The following SAMD13 variants were observed in gnomAD, a reference collection of about 807,000 sequenced individuals.
SAMD13 encodes sterile alpha motif domain containing 13.
A neutral mutation model predicts 12.4 loss-of-function variants in SAMD13; 9 were observed. The observed-to-expected ratio is 0.72, with a 90% CI of 0.44 to 1.26. SAMD13 has a LOEUF of 1.26. Ranked by LOEUF, SAMD13 falls within the 50% of genes most tolerant of loss-of-function variation. SAMD13 has a pLI of 0.00. For missense variants in SAMD13, 84 were observed against 119.6 expected (o/e 0.70, Z 1.39); for synonymous variants, 46 against 45.4 (o/e 1.01, Z -0.05).
upstream of SAMD13, chr1:84,298,599 G>A (rs1678366302): frequency 2.3e-6 from 3 of 1,282,248 alleles, no homozygotes; most frequent in African/African-American, 1.5e-5. Context: ...CCAGGGCGTG[G>A]GAAGGCGCCC....
intron 3 of SAMD13, among the ~76,000 whole-genome samples, chr1:84,337,767 AG>A (rs776836431): frequency 1.6e-4 from 24 of 152,224 alleles, no homozygotes; most frequent in Non-Finnish European, 2.2e-4. Context: ...TCACATTGTC[AG>A]GGTGCAAATT....
chr1:84,349,066 A>C (rs984005308), intron 3 of SAMD13, among the ~76,000 whole-genome samples: 4 of 152,238 alleles, frequency 2.6e-5, no homozygotes, highest in Non-Finnish European at 5.9e-5. Context: ...TTTAAGTATC[A>C]GGAGAAGCAG....
At chr1:84,316,015 T>C (rs2101797346) in intron 2 of SAMD13, among the ~76,000 whole-genome samples, 1 of 152,314 alleles carries the variant, frequency 6.6e-6, no homozygotes, top group South Asian at 2.1e-4. Context: ...TTTGTGTGTC[T>C]TCTTTTCAGA....
At chr1:84,310,112 G>A (rs536624197) in intron 2 of SAMD13, among the ~76,000 whole-genome samples, 2 of 152,084 alleles carry the variant, frequency 1.3e-5, no homozygotes, top group South Asian at 4.2e-4. Context: ...TTTTCTAGTG[G>A]TCATATTTAA....
chr1:84,345,813 T>A (rs980719885), intron 3 of SAMD13, among the ~76,000 whole-genome samples: 14 of 152,182 alleles, frequency 9.2e-5, no homozygotes, highest in African/African-American at 3.4e-4. Context: ...GCAGAGAGAA[T>A]GAGTGAAAAG....
intron 3 of SAMD13, among the ~76,000 whole-genome samples, chr1:84,328,146 C>T (rs958802810): frequency 4.6e-5 from 7 of 152,148 alleles, no homozygotes; most frequent in African/African-American, 7.2e-5. Context: ...TGGGGGCACA[C>T]GATGGTCTCT....
intron 2 of SAMD13, among the ~76,000 whole-genome samples, chr1:84,323,546 G>A (rs1389230747): frequency 2.0e-5 from 3 of 152,118 alleles, no homozygotes; most frequent in Non-Finnish European, 4.4e-5. Flanking sequence ...GTGCTGTTGA[G>A]AAATTAACGA....
chr1:84,346,694 T>C (rs1275419191), intron 3 of SAMD13, among the ~76,000 whole-genome samples: 1 of 152,248 alleles, frequency 6.6e-6, no homozygotes, highest in Non-Finnish European at 1.5e-5. Flanking sequence ...TAGCACAGCA[T>C]GCTGTTGGTA....
At chr1:84,309,216 C>T (rs181762738) in intron 2 of SAMD13, among the ~76,000 whole-genome samples, 13 of 152,236 alleles carry the variant, frequency 8.5e-5, no homozygotes, top group African/African-American at 3.1e-4. Context: ...TCCAAGATAA[C>T]TCTTTTTTCT....
chr1:84,347,114 C>A (rs1012545779), intron 3 of SAMD13, among the ~76,000 whole-genome samples: 1 of 152,136 alleles, frequency 6.6e-6, no homozygotes. Flanking sequence ...AGTCCCCTAC[C>A]CAGGGTCACA....
chr1:84,339,352 T>C (rs943417690), intron 3 of SAMD13, among the ~76,000 whole-genome samples: 2 of 152,174 alleles, frequency 1.3e-5, no homozygotes, highest in African/African-American at 2.4e-5. Context: ...TTGCTGTCCT[T>C]TGGATGTGTT....
At chr1:84,347,860 A>C (rs1468031405) in intron 3 of SAMD13, among the ~76,000 whole-genome samples, 1 of 152,206 alleles carries the variant, frequency 6.6e-6, no homozygotes, top group Non-Finnish European at 1.5e-5. Flanking sequence ...TAAGAAGCAA[A>C]GTACTTTAGG....
At chr1:84,323,296 A>G (rs1477974584) in intron 2 of SAMD13, among the ~76,000 whole-genome samples, 1 of 152,196 alleles carries the variant, frequency 6.6e-6, no homozygotes, top group East Asian at 1.9e-4. Context: ...CAGCACATAG[A>G]TAATTTTTTT....
At chr1:84,339,476 T>G (rs1437673612) in intron 3 of SAMD13, among the ~76,000 whole-genome samples, 1 of 152,198 alleles carries the variant, frequency 6.6e-6, no homozygotes, top group Non-Finnish European at 1.5e-5. Context: ...ACTTCTGGGC[T>G]GCATGCTGTA....
intron 2 of SAMD13, among the ~76,000 whole-genome samples, chr1:84,311,811 G>T (rs889743354): frequency 6.6e-6 from 1 of 152,154 alleles, no homozygotes; most frequent in African/African-American, 2.4e-5. Context: ...AGAGATAAAA[G>T]ATTTGAAAAT....
chr1:84,299,657 G>GTATATATATA (rs143143145), upstream of SAMD13: 957 of 677,534 alleles, frequency 1.4e-3, 4 homozygotes, highest in African/African-American at 4.7e-3. Context: ...GAGTACTAGT[G>GTATATATATA]TATATATATA....
intron 2 of SAMD13, 79 bp downstream of exon 2, chr1:84,303,366 T>C: frequency 8.6e-7 from 1 of 1,167,902 alleles, no homozygotes; most frequent in Non-Finnish European, 1.3e-6. Context: ...TTCTTGCTTA[T>C]CTACTACAAT....
intron 3 of SAMD13, among the ~76,000 whole-genome samples, chr1:84,340,624 C>T (rs1467287786): frequency 6.6e-6 from 1 of 152,070 alleles, no homozygotes; most frequent in African/African-American, 2.4e-5. Context: ...TAATATATGT[C>T]ATGATTCAAT....
intron 3 of SAMD13, chr1:84,344,757 C>T (rs1679499203): frequency 2.6e-6 from 1 of 378,744 alleles, no homozygotes; most frequent in Admixed American, 3.4e-5. Context: ...CACCAGTTGG[C>T]TCTGCAGGTA....
Sources: allele counts gnomAD v4.1 joint callset (sites outside exome capture counted in the v4.1 genomes callset), GRCh38; gene constraint gnomAD v4.1.1; transcripts MANE v1.5; gene names NCBI Gene and HGNC (gene_info 2026-07-23, HGNC 2026-07-21).